The following CAP2 variants were observed in gnomAD, a reference collection of about 807,000 sequenced individuals.
CAP2 encodes the protein cyclase associated actin cytoskeleton regulatory protein 2, also known as adenylyl cyclase-associated protein 2.
Under a neutral mutation model 57.7 loss-of-function variants are expected in CAP2, and 24 were observed. The observed-to-expected ratio is 0.42, with a 90% CI of 0.30 to 0.58. The LOEUF is 0.58. Among genes scored for constraint, CAP2 ranks in the 20% least tolerant of loss-of-function variants. The pLI is 0.22. For missense variants in CAP2, 501 were observed against 590.3 expected (o/e 0.85, Z 1.57); for synonymous variants, 194 against 207.2 (o/e 0.94, Z 0.55).
chr6:17,492,261 T>C (rs1366587610), intron 4 of CAP2, among the ~76,000 whole-genome samples: 1 of 152,196 alleles, frequency 6.6e-6, no homozygotes, highest in African/African-American at 2.4e-5. Flanking sequence ...GGGGTGCATG[T>C]ATTTTGATTT....
At chr6:17,426,455 A>C in intron 2 of CAP2, 135 bp from the exon 3 acceptor site, 1 of 643,634 alleles carries the variant, frequency 1.6e-6, no homozygotes, top group Non-Finnish European at 2.9e-6. Flanking sequence ...GGCTGGTCTT[A>C]AACTCCTGAC....
chr6:17,440,611 T>TG (rs56057918), intron 3 of CAP2, among the ~76,000 whole-genome samples: 79,613 of 140,914 alleles, frequency 0.56, 22,515 homozygotes, highest in East Asian at 0.86. Context: ...ACAAACTGTG[T>TG]GTGGTGTGTG....
intron 3 of CAP2, among the ~76,000 whole-genome samples, chr6:17,444,804 C>CCCCACACA (rs1554123222): frequency 7.1e-6 from 1 of 140,406 alleles, no homozygotes; most frequent in Non-Finnish European, 1.5e-5. Context: ...TTCTCTCTCT[C>CCCCACACA]CACACACACA....
chr6:17,473,795 A>G (rs547011967), intron 4 of CAP2, among the ~76,000 whole-genome samples: 1 of 152,296 alleles, frequency 6.6e-6, no homozygotes, highest in African/African-American at 2.4e-5. Flanking sequence ...TCACATGACA[A>G]AACCATCATT....
intron 7 of CAP2, among the ~76,000 whole-genome samples, chr6:17,522,448 C>T (rs1762413700): frequency 6.6e-6 from 1 of 152,120 alleles, no homozygotes; most frequent in African/African-American, 2.4e-5. Flanking sequence ...TAAATAACAG[C>T]AATACAAAGC....
intron 7 of CAP2, among the ~76,000 whole-genome samples, chr6:17,523,518 G>A (rs1157515705): frequency 1.3e-5 from 2 of 152,198 alleles, no homozygotes; most frequent in African/African-American, 4.8e-5. Context: ...AAATAAATAA[G>A]ATGGTTAAAA....
At chr6:17,540,477 G>A (rs1320581095) in intron 8 of CAP2, among the ~76,000 whole-genome samples, 1 of 151,820 alleles carries the variant, frequency 6.6e-6, no homozygotes, top group Non-Finnish European at 1.5e-5. Context: ...CTTGGCTGGT[G>A]CAGTGGCTCA....
chr6:17,460,323 T>C (rs1330596935), intron 3 of CAP2, among the ~76,000 whole-genome samples: 2 of 152,092 alleles, frequency 1.3e-5, no homozygotes, highest in Non-Finnish European at 2.9e-5. Flanking sequence ...AATGAATGCC[T>C]GGCCAGTTAA....
intron 7 of CAP2, among the ~76,000 whole-genome samples, chr6:17,533,991 TA>T (rs1762711254): frequency 6.6e-6 from 1 of 152,178 alleles, no homozygotes; most frequent in Admixed American, 6.6e-5. Flanking sequence ...AGTTGTTTTT[TA>T]AAAAAGCATT....
At chr6:17,511,990 T>C (rs1273168664) in intron 6 of CAP2, among the ~76,000 whole-genome samples, 1 of 151,972 alleles carries the variant, frequency 6.6e-6, no homozygotes, top group East Asian at 1.9e-4. Flanking sequence ...TTATTACAAG[T>C]TTTGCTAGAA....
intron 11 of CAP2, among the ~76,000 whole-genome samples, chr6:17,546,248 G>A (rs949808623): frequency 3.9e-5 from 6 of 152,206 alleles, no homozygotes; most frequent in African/African-American, 1.4e-4. Context: ...ACTGGTATGA[G>A]ATTGTATCTC....
intron 11 of CAP2, among the ~76,000 whole-genome samples, chr6:17,551,140 T>C (rs1025180676): frequency 2.6e-5 from 4 of 152,222 alleles, no homozygotes; most frequent in African/African-American, 7.2e-5. Context: ...CAAATACATG[T>C]TTTGAATCTA....
intron 7 of CAP2, among the ~76,000 whole-genome samples, chr6:17,529,879 G>A (rs1272005942): frequency 6.6e-6 from 1 of 151,672 alleles, no homozygotes; most frequent in South Asian, 2.1e-4. Flanking sequence ...AATTGATAAA[G>A]AGTATTTTAT....
chr6:17,449,704 C>T (rs551151244), intron 3 of CAP2, among the ~76,000 whole-genome samples: 22 of 152,240 alleles, frequency 1.4e-4, no homozygotes, highest in East Asian at 3.9e-4. Context: ...CCACCATGCC[C>T]GGCCAATTAT....
intron 7 of CAP2, among the ~76,000 whole-genome samples, chr6:17,532,924 G>C (rs1762681327): frequency 6.6e-6 from 1 of 151,194 alleles, no homozygotes; most frequent in South Asian, 2.1e-4. Context: ...AATTAGCTGG[G>C]CGTGGTGGTG....
At chr6:17,487,824 G>A (rs762760865) in intron 4 of CAP2, among the ~76,000 whole-genome samples, 3 of 152,012 alleles carry the variant, frequency 2.0e-5, no homozygotes, top group Non-Finnish European at 4.4e-5. Context: ...TGTTACCTAG[G>A]CCGGAGTGCA....
chr6:17,438,436 T>TTGTTTG (rs1759965371), intron 3 of CAP2, among the ~76,000 whole-genome samples: 1 of 116,148 alleles, frequency 8.6e-6, no homozygotes, highest in Non-Finnish European at 1.7e-5. Context: ...CAGAAGTGTT[T>TTGTTTG]TTTTTTTTTT....
chr6:17,507,483 T>A (rs1762019028), intron 5 of CAP2, among the ~76,000 whole-genome samples, 158 bp from the exon 6 acceptor site: 1 of 152,256 alleles, frequency 6.6e-6, no homozygotes, highest in African/African-American at 2.4e-5. Context: ...TGTTCTGAGA[T>A]ACTGTAGAAA....
intron 3 of CAP2, among the ~76,000 whole-genome samples, chr6:17,439,220 A>T (rs887586138): frequency 2.7e-5 from 4 of 149,876 alleles, no homozygotes; most frequent in African/African-American, 1.0e-4. Context: ...ATTTGAGTTT[A>T]TCTTGGTGAA....
Sources: allele counts gnomAD v4.1 joint callset (sites outside exome capture counted in the v4.1 genomes callset), GRCh38; gene constraint gnomAD v4.1.1; transcripts MANE v1.5; gene names NCBI Gene and HGNC (gene_info 2026-07-23, HGNC 2026-07-21).